Variants in VLDLR observed in about 807,000 individuals in gnomAD.
VLDLR encodes the protein very low-density lipoprotein receptor.
VLDLR carries 81 observed loss-of-function variants against 112.7 expected under a neutral mutation model. The ratio of observed to expected loss-of-function variants is 0.72; its 90% CI spans 0.60 to 0.86. The LOEUF (loss-of-function observed/expected upper bound fraction) is 0.86. VLDLR is among the 40% of genes least tolerant of loss of function. The pLI is 0.00. For synonymous variants in VLDLR, 436 were observed against 384.8 expected, an observed-to-expected ratio of 1.13 and a Z score of -1.56; for missense variants, 1,237 against 1,099.4, an observed-to-expected ratio of 1.13 and a Z score of -1.77.
chr9:2,656,773 TAAAG>T lies in VLDLR; in HGVS notation c.*2909_*2912del, dbSNP rs1338403847. 7.2e-5 allele frequency: 11 copies of T among 151,940 alleles called. No individual in the cohort carries two copies. The highest frequency in any genetic ancestry group is 3.9e-4 in the Admixed American group (6 of 15,256). The allele number at this position is 151,940 out of a possible 1,614,324, so 9.4% of individuals were successfully genotyped here. ...GAATAAACAGATTTGTGGCCTCTGG[TAAAG>T]AAATCCAGCCAAGTTCCTCTGTCCA... On this transcript the variant is annotated 3_prime_UTR_variant, in exon 19 of 19. Coordinates refer to ENST00000382100, the MANE Select transcript of VLDLR (RefSeq NM_003383.5).
intron 1 of VLDLR, among the ~76,000 whole-genome samples, chr9:2,624,433 A>G (rs13290598): frequency 0.24 from 36,896 of 152,106 alleles, 4,806 homozygotes; most frequent in East Asian, 0.5. Flanking sequence ...AGACAGGTGA[A>G]CACTGAGACT....
At position 2,641,416 on chromosome 9, in the gene VLDLR, C is replaced by G. The variant is rs1586648275; in HGVS notation, c.365C>G (p.Ala122Gly). 5 of 1,614,180 alleles carry G rather than the reference C, an allele frequency of 3.1e-6. No individual in the cohort carries two copies. Among genetic ancestry groups the G allele is most frequent in the Non-Finnish European group, 4.2e-6 (5 of 1,180,034 alleles). Residue 122 changes from alanine to glycine, a missense_variant, in exon 4 of 19, where the codon GCC becomes GGC. Ala to Gly is a moderately conservative substitution (Grantham distance 60, BLOSUM62 0). Transcript: ENST00000382100. ...CGCATACATGAAATCAGCTGTGGCGCCCATTCTACTCAGTGTATCCCAGTG... is the reference window on the plus strand; with the variant it reads ...CGCATACATGAAATCAGCTGTGGCGGCCATTCTACTCAGTGTATCCCAGTG... ...TCRIHEISCG[A>G]HSTQCIPVSW... is the part of the protein sequence containing the mutation.
chr9:2,651,509 C>A lies in VLDLR; in HGVS notation c.2335+11C>A. 6.2e-7 allele frequency: 1 copy of A among 1,607,250 alleles called. No homozygotes were observed. Among genetic ancestry groups the A allele is most frequent in the South Asian group, 1.1e-5 (1 of 90,874 alleles). Reference sequence around the variant, plus strand: ...GACTAGTTCCTGGAGGTATTGAGTTCAGTACTGCAAACTGTTAATCTCAAC... The same window carrying A: ...GACTAGTTCCTGGAGGTATTGAGTTAAGTACTGCAAACTGTTAATCTCAAC... On this transcript the variant is annotated intron_variant, in intron 16 of 18. Transcript: ENST00000382100.
rs142893679 is a variant in VLDLR, at chr9:2,647,630, A to G, written c.1822+38A>G. On this transcript the variant is annotated intron_variant, in intron 12 of 18. Coordinates refer to ENST00000382100, the MANE Select transcript of VLDLR (RefSeq NM_003383.5). ...TTCCTTCTCGACCACCCACTCAACT[A>G]TCTTCATAGTGTTTCCATTTATCTC... 2,165 of 1,523,144 alleles carry G rather than the reference A, an allele frequency of 1.4e-3. 33 individuals are homozygous for G. In the African/African-American group the frequency reaches 0.023, roughly 16 times the overall value. 94.4% of individuals were successfully genotyped at this position (1,523,144 alleles called of 1,614,324 possible).
chr9:2,644,194 T>C (rs1184554372), intron 7 of VLDLR, among the ~76,000 whole-genome samples: 3 of 148,634 alleles, frequency 2.0e-5, no homozygotes, highest in Non-Finnish European at 4.5e-5. Flanking sequence ...GTTCCACTCT[T>C]GTTGCCCAGG....
At chr9:2,641,633 T>G in intron 4 of VLDLR, 134 bp downstream of exon 4, 1 of 1,314,958 alleles carries the variant, frequency 7.6e-7, no homozygotes, top group Non-Finnish European at 1.1e-6. Flanking sequence ...ATCTGCTCAA[T>G]TACTTGTCCT....
chr9:2,641,447 G>C lies in VLDLR; in HGVS notation c.396G>C (p.Trp132Cys). 6.2e-7 allele frequency: 1 copy of C among 1,614,208 alleles called. No individual in the cohort carries two copies. Among genetic ancestry groups the C allele is most frequent in the Admixed American group, 1.7e-5 (1 of 60,034 alleles). The part of the protein sequence containing the change: ...AHSTQCIPVS[W>C]RCDGENDCDS... Reference sequence around the variant, plus strand: ...CTACTCAGTGTATCCCAGTGTCCTGGAGATGTGATGGTGAAAATGATTGTG... The same window carrying C: ...CTACTCAGTGTATCCCAGTGTCCTGCAGATGTGATGGTGAAAATGATTGTG... Residue 132 changes from tryptophan to cysteine, a missense_variant, in exon 4 of 19, where the codon TGG becomes TGC. Trp to Cys is a radical substitution (Grantham distance 215). Transcript: ENST00000382100.
chr9:2,631,733 C>T (rs1024058232), intron 1 of VLDLR, among the ~76,000 whole-genome samples: 6 of 152,070 alleles, frequency 3.9e-5, no homozygotes, highest in South Asian at 2.1e-4. Context: ...GAAGAAATAA[C>T]GTCAATGACT....
chr9:2,634,094 T>G (rs969311158), intron 1 of VLDLR, among the ~76,000 whole-genome samples: 1 of 152,200 alleles, frequency 6.6e-6, no homozygotes, highest in Non-Finnish European at 1.5e-5. Flanking sequence ...AGATGCAGTT[T>G]TAAAAGCAAC....
intron 16 of VLDLR, 100 bp from the exon 17 acceptor site, chr9:2,651,774 A>T (rs1274031187): frequency 7.7e-7 from 1 of 1,300,288 alleles, no homozygotes; most frequent in African/African-American, 1.5e-5. Flanking sequence ...GATACTGAAC[A>T]TCAATATTGG....
At chr9:2,644,137 AGTTTTT>A (rs1375523959) in intron 7 of VLDLR, among the ~76,000 whole-genome samples, 178 bp downstream of exon 7, 1 of 145,700 alleles carries the variant, frequency 6.9e-6, no homozygotes, top group Non-Finnish European at 1.5e-5. Flanking sequence ...ACTAGTTTAT[AGTTTTT>A]GTTTTTGTTG....
chr9:2,627,004 A>G (rs1817121495), intron 1 of VLDLR, among the ~76,000 whole-genome samples: 1 of 152,344 alleles, frequency 6.6e-6, no homozygotes, highest in Non-Finnish European at 1.5e-5. Flanking sequence ...AAACCACTTA[A>G]TGTACATCTA....
intron 1 of VLDLR, among the ~76,000 whole-genome samples, chr9:2,628,898 G>A (rs900040985): frequency 6.6e-6 from 1 of 152,306 alleles, no homozygotes; most frequent in South Asian, 2.1e-4. Context: ...TTTATCTCCT[G>A]TGTCCCTCCT....
chr9:2,650,341 A>C (rs1347518368), intron 14 of VLDLR, 29 bp from the exon 15 acceptor site: 2 of 1,613,548 alleles, frequency 1.2e-6, no homozygotes, highest in South Asian at 2.2e-5. Context: ...CGGAATACCC[A>C]TTTTAATGGT....
chr9:2,622,765 C>T (rs1291111636), intron 1 of VLDLR, among the ~76,000 whole-genome samples: 1 of 152,130 alleles, frequency 6.6e-6, no homozygotes, highest in African/African-American at 2.4e-5. Context: ...AGGGGCCGGC[C>T]GGGCTTCAGA....
intron 1 of VLDLR, among the ~76,000 whole-genome samples, chr9:2,631,160 T>C (rs1018395560): frequency 6.6e-6 from 1 of 152,022 alleles, no homozygotes; most frequent in Admixed American, 6.5e-5. Flanking sequence ...AAAGACAAAA[T>C]ACAACAGATG....
rs72692575 is a variant in VLDLR, at chr9:2,658,157, T to C, written c.*4289T>C. 6.6e-6 allele frequency: 1 copy of C among 152,206 alleles called. No individual in the cohort carries two copies. Among genetic ancestry groups the C allele is most frequent in the African/African-American group, 2.4e-5 (1 of 41,454 alleles). The allele number at this position is 152,206 out of a possible 1,614,324, so 9.4% of individuals were successfully genotyped here. ...AAGGATTATCAGCCATCTTTGCATA[T>C]CCCTTTCACATCTACCTTCACACAG... On this transcript the variant is annotated 3_prime_UTR_variant, in exon 19 of 19. Transcript: ENST00000382100.
chr9:2,651,682 A>G (rs1818351348), intron 16 of VLDLR, among the ~76,000 whole-genome samples, 184 bp downstream of exon 16: 1 of 152,224 alleles, frequency 6.6e-6, no homozygotes, highest in African/African-American at 2.4e-5. Flanking sequence ...TTTCTAGTAG[A>G]GAACTGTCAG....
intron 18 of VLDLR, 51 bp downstream of exon 18, chr9:2,653,000 A>G: frequency 6.2e-7 from 1 of 1,610,884 alleles, no homozygotes; most frequent in Non-Finnish European, 8.5e-7. Flanking sequence ...GAGACTTTTC[A>G]GAAAGGAGAC....
Sources: gnomAD v4.1 joint callset for allele counts (sites outside exome capture counted in the v4.1 genomes callset) on GRCh38, gnomAD v4.1.1 for gene constraint, MANE v1.5 for transcripts, NCBI Gene and HGNC (gene_info 2026-07-23, HGNC 2026-07-21) for gene names.